CACNA1C: variants seen among roughly 807,000 people sequenced by gnomAD.
CACNA1C encodes voltage-dependent L-type calcium channel subunit alpha-1C.
In CACNA1C, 30 loss-of-function variants were observed where a neutral mutation model predicts 229.0. The observed-to-expected ratio is 0.13, with a 90% confidence interval of 0.10 to 0.18. The LOEUF is 0.18. Ranked by LOEUF, CACNA1C falls within the 10% of genes least tolerant of loss-of-function variation. The pLI, the probability that CACNA1C is intolerant of heterozygous loss-of-function variation, is 1.00. For synonymous variants in CACNA1C, 1,114 were observed against 1,132.5 expected, an observed-to-expected ratio of 0.98 and a Z score of 0.33; for missense variants, 1,658 against 2,845.0, an observed-to-expected ratio of 0.58 and a Z score of 9.49.
chr12:2,594,499 TTA>T (rs1255264227), intron 19 of CACNA1C, among the ~76,000 whole-genome samples: 3 of 152,254 alleles, frequency 2.0e-5, no homozygotes, highest in Non-Finnish European at 2.9e-5. Flanking sequence ...ATCTTGACCA[TTA>T]TATGTTTTTG....
At chr12:2,669,156 G>C (rs2096406827) in intron 38 of CACNA1C, 121 bp downstream of exon 38, 1 of 751,528 alleles carries the variant, frequency 1.3e-6, no homozygotes, top group African/African-American at 1.7e-5. Flanking sequence ...ATCCGAGCTG[G>C]GATACGGGGG....
intron 1 of CACNA1C, among the ~76,000 whole-genome samples, chr12:2,085,528 G>A (rs2067241592): frequency 6.6e-6 from 1 of 152,112 alleles, no homozygotes; most frequent in Non-Finnish European, 1.5e-5. Flanking sequence ...CAGTGCTTTT[G>A]CTTTCTTCTC....
intron 1 of CACNA1C, among the ~76,000 whole-genome samples, chr12:2,030,147 T>C (rs1284163884): frequency 2.0e-5 from 3 of 152,212 alleles, no homozygotes; most frequent in African/African-American, 7.2e-5. Context: ...TTTGCAATGT[T>C]GAGGTGTTCC....
chr12:2,664,882 G>A lies in CACNA1C; in HGVS notation c.4290G>A (p.Lys1430=), dbSNP rs767790076. The part of the protein sequence containing the change: ...DIMLACMPGK[K]CAPESEPSNS... ...TGCTGGCCTGCATGCCAGGCAAGAA[G>A]TGTGCCCCAGAGTCCGAGCCCAGCA... is the stretch of plus-strand genomic sequence containing the variant. Residue 1430 remains lysine (K), a synonymous_variant, in exon 35 of 47, where the codon AAG becomes AAA. Coordinates refer to ENST00000399655, the MANE Select transcript of CACNA1C (RefSeq NM_000719.7). 3.7e-6 allele frequency: 6 copies of A among 1,613,016 alleles called. No individual in the cohort carries two copies. Among genetic ancestry groups the A allele is most frequent in the Non-Finnish European group, 5.1e-6 (6 of 1,179,472 alleles).
intron 6 of CACNA1C, among the ~76,000 whole-genome samples, chr12:2,487,853 T>C (rs1160542993): frequency 6.6e-6 from 1 of 152,196 alleles, no homozygotes; most frequent in East Asian, 1.9e-4. Context: ...TATAGCTAGC[T>C]CAGAACCAAT....
At chr12:2,289,806 C>T (rs897843593) in intron 3 of CACNA1C, among the ~76,000 whole-genome samples, 1 of 152,184 alleles carries the variant, frequency 6.6e-6, no homozygotes, top group Admixed American at 6.5e-5. Flanking sequence ...GAACAGCTTC[C>T]CTATTTTGCC....
At chr12:2,584,904 G>C (rs1051362813) in intron 16 of CACNA1C, among the ~76,000 whole-genome samples, 1 of 152,152 alleles carries the variant, frequency 6.6e-6, no homozygotes, top group Non-Finnish European at 1.5e-5. Context: ...AGGGTGGGGA[G>C]AGAGAAAGGT....
At chr12:2,176,453 C>T (rs1488392682) in intron 3 of CACNA1C, among the ~76,000 whole-genome samples, 4 of 151,884 alleles carry the variant, frequency 2.6e-5, no homozygotes, top group Non-Finnish European at 5.9e-5. Flanking sequence ...TCCTGCTGGC[C>T]GCTTGGGGAG....
At chr12:2,628,533 TG>T (rs2088420879) in intron 29 of CACNA1C, among the ~76,000 whole-genome samples, 1 of 152,196 alleles carries the variant, frequency 6.6e-6, no homozygotes, top group South Asian at 2.1e-4. Context: ...ACCTAGGCTT[TG>T]TTTCCCTGCT....
Position 2,677,973 on chromosome 12 carries a change from A to G in CACNA1C, c.5091+106A>G, listed in dbSNP as rs1796404692. On this transcript the variant is annotated intron_variant, in intron 41 of 46. Coordinates refer to ENST00000399655, the MANE Select transcript of CACNA1C (RefSeq NM_000719.7). The surrounding 1 kb of genome is among the most constrained non-coding windows in gnomAD (Gnocchi z 7.4). ...CGTCCAGGGGAAGGAGCTGCACCAG[A>G]GGAAAGGGCTACTTCCAGGCTCTTC... 2.4e-5 allele frequency: 31 copies of G among 1,312,006 alleles called. No individual in the cohort carries two copies. The highest frequency in any genetic ancestry group is 3.1e-5 in the Non-Finnish European group (29 of 929,260). The allele number at this position is 1,312,006 out of a possible 1,614,324, so 81.3% of individuals were successfully genotyped here.
rs2094408927 is a variant in CACNA1C, at chr12:2,646,768, A to AG, written c.3913-1707_3913-1706insG. ...TGCCTGTATGAGAGAGAGAGAGAGA[A>AG]AGAGAGAGAGAGAGAGAGAGAGTGT... On this transcript the variant is annotated intron_variant, in intron 30 of 46. Transcript: ENST00000399655. This position sits in a 1 kb window ranked among gnomAD's most constrained non-coding sequence, Gnocchi z 4.6. 1.4e-5 allele frequency among the ~76,000 whole-genome samples: 2 copies of AG among 146,600 alleles called. No individual in the cohort carries two copies. The highest frequency in any genetic ancestry group is 3.0e-5 in the Non-Finnish European group (2 of 65,930).
chr12:2,177,533 T>C, intron 3 of CACNA1C, among the ~76,000 whole-genome samples: 1 of 140,712 alleles, frequency 7.1e-6, no homozygotes, highest in Admixed American at 7.2e-5. Context: ...TCCTCTCCTC[T>C]CCCTTCCCTT....
intron 3 of CACNA1C, among the ~76,000 whole-genome samples, chr12:2,437,846 GTGATGA>G (rs940053813): frequency 1.1e-5 from 1 of 94,102 alleles, no homozygotes; most frequent in African/African-American, 2.7e-5. Context: ...AATGATGGTG[GTGATGA>G]TGGTGGTGAT....
intron 1 of CACNA1C, chr12:1,993,365 G>A: frequency 6.2e-7 from 1 of 1,613,088 alleles, no homozygotes; most frequent in African/African-American, 1.3e-5. Context: ...ATTCATAATG[G>A]TGAATCCATG....
At chr12:2,448,352 G>A (rs2099320072) in intron 3 of CACNA1C, among the ~76,000 whole-genome samples, 1 of 152,190 alleles carries the variant, frequency 6.6e-6, no homozygotes, top group Non-Finnish European at 1.5e-5. Context: ...GACGTCTTTG[G>A]ACAGAAGGTT....
intron 1 of CACNA1C, among the ~76,000 whole-genome samples, chr12:2,001,848 T>C (rs2042263541): frequency 6.6e-6 from 1 of 152,230 alleles, no homozygotes; most frequent in African/African-American, 2.4e-5. Flanking sequence ...CACAACACTC[T>C]TCCCTTCAGT....
intron 1 of CACNA1C, among the ~76,000 whole-genome samples, chr12:2,010,676 C>T (rs2044246941): frequency 6.6e-6 from 1 of 152,138 alleles, no homozygotes; most frequent in African/African-American, 2.4e-5. Context: ...ATAGCTACAC[C>T]TTTTGATTTG....
rs145067850 is a variant in CACNA1C at position 2,408,185 on chromosome 12, A to G, written c.478-40791A>G. Among the ~76,000 whole-genome samples, 971 of 152,376 alleles carry G rather than the reference A, an allele frequency of 6.4e-3. 8 individuals carry two copies. Among genetic ancestry groups the G allele is most frequent in the Middle Eastern group, 0.041 (12 of 294 alleles). On this transcript the variant is annotated intron_variant, in intron 3 of 46. Coordinates refer to ENST00000399655, the MANE Select transcript of CACNA1C (RefSeq NM_000719.7). ...GGTTCCACTTACGTGAGGTACCCAG[A>G]CTAGGCAAATTCACAGAGACAAAGA...
chr12:2,591,890 G>A (rs575006129), intron 18 of CACNA1C, among the ~76,000 whole-genome samples: 6 of 152,312 alleles, frequency 3.9e-5, no homozygotes, highest in African/African-American at 1.4e-4. Context: ...GCTTGTAGAT[G>A]CATCCCTCCA....
Sources: allele counts gnomAD v4.1 joint callset (sites outside exome capture counted in the v4.1 genomes callset), GRCh38; gene constraint gnomAD v4.1.1; non-coding constraint Gnocchi (gnomAD v3.1); transcripts MANE v1.5; gene names NCBI Gene and HGNC (gene_info 2026-07-23, HGNC 2026-07-21).